DAAM1: variants seen among roughly 807,000 people sequenced by gnomAD.
DAAM1 encodes disheveled-associated activator of morphogenesis 1.
A neutral mutation model predicts 130.0 loss-of-function variants in DAAM1; 52 were observed. That is an observed-to-expected ratio of 0.40 (90% CI 0.32 to 0.50). DAAM1 has a LOEUF of 0.50. Ranked by LOEUF, DAAM1 falls within the 20% of genes least tolerant of loss-of-function variation. The pLI is 0.61. For missense variants in DAAM1, 1,134 were observed against 1,303.8 expected, an observed-to-expected ratio of 0.87 and a Z score of 2.01; for synonymous variants, 452 against 444.5, an observed-to-expected ratio of 1.02 and a Z score of -0.21.
chr14:59,336,485 G>T (rs2139644155), intron 15 of DAAM1, among the ~76,000 whole-genome samples: 1 of 152,240 alleles, frequency 6.6e-6, no homozygotes, highest in African/African-American at 2.4e-5. Context: ...CTTGAAATAG[G>T]CCTGGAAGCA....
intron 2 of DAAM1, among the ~76,000 whole-genome samples, chr14:59,286,694 A>T (rs1407615528): frequency 6.6e-6 from 1 of 152,300 alleles, no homozygotes; most frequent in Middle Eastern, 3.4e-3. Flanking sequence ...AAATGGATAC[A>T]TTCCCAGAAA....
At chr14:59,262,487 ACCCT>A (rs1321238174) in intron 1 of DAAM1, among the ~76,000 whole-genome samples, 1 of 151,952 alleles carries the variant, frequency 6.6e-6, no homozygotes, top group African/African-American at 2.4e-5. Context: ...TAGTTCTCCA[ACCCT>A]CTGTTTTTAT....
At chr14:59,346,136 TTTG>T (rs1368142450) in intron 16 of DAAM1, among the ~76,000 whole-genome samples, 1 of 48,570 alleles carries the variant, frequency 2.1e-5, no homozygotes, top group African/African-American at 5.4e-5. Flanking sequence ...ATCCCTTTTT[TTTG>T]GGGGGGGGGG....
At chr14:59,267,791 G>A (rs1202667287) in intron 2 of DAAM1, among the ~76,000 whole-genome samples, 2 of 152,044 alleles carry the variant, frequency 1.3e-5, no homozygotes, top group Non-Finnish European at 2.9e-5. Context: ...TCTGTGACTG[G>A]CTTCTTTGAC....
At chr14:59,354,355 T>C (rs770539241) in intron 19 of DAAM1, among the ~76,000 whole-genome samples, 2 of 152,198 alleles carry the variant, frequency 1.3e-5, no homozygotes, top group Non-Finnish European at 2.9e-5. Context: ...CCACTGCGCC[T>C]GGCCTGGTGA....
intron 1 of DAAM1, among the ~76,000 whole-genome samples, chr14:59,194,376 A>AG (rs1175476957): frequency 2.0e-5 from 3 of 152,218 alleles, no homozygotes; most frequent in Non-Finnish European, 2.9e-5. Context: ...AAAACTTTGG[A>AG]GCTCTCCTTT....
At chr14:59,199,659 T>C (rs1026719467) in intron 1 of DAAM1, among the ~76,000 whole-genome samples, 2 of 152,244 alleles carry the variant, frequency 1.3e-5, no homozygotes, top group African/African-American at 4.8e-5. Flanking sequence ...TAAATTGGGA[T>C]GAATGTCTCT....
In DAAM1 at chr14:59,352,523, C is replaced by T. The variant is rs748089956; in HGVS notation, c.2161-3C>T. ...AGTTTTAATATTCGTGTGTACTTTT[C>T]AGCTCTTGAAATTTGTTCCTGAAAA... On this transcript the variant is annotated splice_polypyrimidine_tract_variant and splice_region_variant and intron_variant, in intron 17 of 24. Coordinates refer to ENST00000360909, the MANE Select transcript of DAAM1 (RefSeq NM_001270520.2). The T allele has an allele frequency of 6.2e-7, 1 of 1,609,836 alleles. No individual in the cohort carries two copies. The highest frequency in any genetic ancestry group is 8.5e-7 in the Non-Finnish European group (1 of 1,177,648).
intron 22 of DAAM1, chr14:59,362,790 A>C (rs1185336592): frequency 1.3e-5 from 2 of 152,138 alleles, no homozygotes; most frequent in Non-Finnish European, 2.9e-5. Flanking sequence ...ATAAGGGAGA[A>C]TCCAGTTTAA....
chr14:59,288,441 C>T (rs1164107558), intron 2 of DAAM1, among the ~76,000 whole-genome samples: 1 of 152,110 alleles, frequency 6.6e-6, no homozygotes, highest in African/African-American at 2.4e-5. Context: ...TAAACAGTTT[C>T]TCCACAGCAA....
chr14:59,279,212 C>T (rs1883107111), intron 2 of DAAM1, among the ~76,000 whole-genome samples: 1 of 152,156 alleles, frequency 6.6e-6, no homozygotes, highest in Non-Finnish European at 1.5e-5. Context: ...TGCAGTCATC[C>T]CTGCCCTTGC....
intron 17 of DAAM1, among the ~76,000 whole-genome samples, chr14:59,350,611 T>C (rs1196880427): frequency 6.6e-6 from 1 of 151,836 alleles, no homozygotes; most frequent in Non-Finnish European, 1.5e-5. Flanking sequence ...CCTCCTCCCC[T>C]CCCTAGAGCT....
intron 1 of DAAM1, among the ~76,000 whole-genome samples, chr14:59,233,695 C>G (rs192380005): frequency 6.6e-6 from 1 of 152,294 alleles, no homozygotes. Context: ...GTGTTTTAAT[C>G]ATGAAGTCTT....
At chr14:59,266,277 C>T (rs1882438494) in intron 2 of DAAM1, 1 of 151,150 alleles carries the variant, frequency 6.6e-6, no homozygotes, top group Non-Finnish European at 1.5e-5. Context: ...AACCAAAGGA[C>T]ATAGGTGTTG....
intron 15 of DAAM1, among the ~76,000 whole-genome samples, chr14:59,332,954 A>C (rs1039261956): frequency 3.3e-5 from 5 of 152,116 alleles, no homozygotes; most frequent in Non-Finnish European, 5.9e-5. Context: ...ATCCTTAAAC[A>C]AGCAGCAGAC....
At chr14:59,215,205 C>G (rs1030499817) in intron 1 of DAAM1, among the ~76,000 whole-genome samples, 4 of 152,198 alleles carry the variant, frequency 2.6e-5, no homozygotes, top group Non-Finnish European at 4.4e-5. Flanking sequence ...ATGACATTAC[C>G]AGGAGTTTTA....
At chr14:59,328,772 T>C (rs185550238) in intron 12 of DAAM1, among the ~76,000 whole-genome samples, 2 of 152,284 alleles carry the variant, frequency 1.3e-5, no homozygotes, top group Admixed American at 1.3e-4. Flanking sequence ...GTGGCTGAGA[T>C]GGTACAAAAG....
At chr14:59,208,865 A>G (rs986671705) in intron 1 of DAAM1, among the ~76,000 whole-genome samples, 1 of 151,716 alleles carries the variant, frequency 6.6e-6, no homozygotes, top group Non-Finnish European at 1.5e-5. Context: ...AGAGTTTAGG[A>G]CCTTCCCCTA....
rs1230672593 is a variant in DAAM1 at position 59,371,281 on chromosome 14, TTA to T, written c.*2423_*2424del. On this transcript the variant is annotated 3_prime_UTR_variant, in exon 25 of 25. Coordinates refer to ENST00000360909, the MANE Select transcript of DAAM1 (RefSeq NM_001270520.2). ...TTATTAGCTTAGTAGTTGGAACCAC[TTA>T]GTCTTTAGGTGCAAGACTGTTGTTA... 6 of 152,232 alleles carry T rather than the reference TTA, an allele frequency of 3.9e-5. No homozygotes were observed. Among genetic ancestry groups the T allele is most frequent in the African/African-American group, 1.4e-4 (6 of 41,556 alleles). The allele number at this position is 152,232 out of a possible 1,614,324, so 9.4% of individuals were successfully genotyped here.
Sources: gnomAD v4.1 joint callset for allele counts (sites outside exome capture counted in the v4.1 genomes callset) on GRCh38, gnomAD v4.1.1 for gene constraint, MANE v1.5 for transcripts, NCBI Gene and HGNC (gene_info 2026-07-23, HGNC 2026-07-21) for gene names.